SMAD4: variants seen among roughly 807,000 people sequenced by gnomAD.
The protein encoded by SMAD4 is SMAD family member 4, also known as MAD homolog 4.
In SMAD4, 7 loss-of-function variants were observed where a neutral mutation model predicts 63.2. The ratio of observed to expected loss-of-function variants is 0.11; its 90% confidence interval spans 0.06 to 0.21. The LOEUF (loss-of-function observed/expected upper bound fraction) is 0.21, where lower values mean the gene tolerates loss of function less well. SMAD4 is among the 10% of genes least tolerant of loss of function. The pLI is 1.00. For missense variants in SMAD4, 312 were observed against 693.8 expected (o/e 0.45, Z 6.18); for synonymous variants, 215 against 235.4 (o/e 0.91, Z 0.79).
In SMAD4 at chr18:51,081,401, A is replaced by G. The variant is rs1384817495; in HGVS notation, c.*2934A>G. ...TTTTCCGGGGAGTAGATCGTGGGAT[A>G]TAGTCTATCTCATTTTTAATAGTTT... On this transcript the variant is annotated 3_prime_UTR_variant, in exon 12 of 12. Transcript: ENST00000342988. The G allele has an allele frequency of 4.3e-6, 1 of 230,100 alleles. No homozygotes were observed. The highest frequency in any genetic ancestry group is 8.6e-6 in the Non-Finnish European group (1 of 116,274). 14.3% of individuals were successfully genotyped at this position (230,100 alleles called of 1,614,324 possible). A position where few individuals can be genotyped will look rare whatever the true frequency, so the allele number is the denominator to read the frequency against.
intron 10 of SMAD4, among the ~76,000 whole-genome samples, chr18:51,071,922 C>T (rs751622826): frequency 1.4e-4 from 22 of 152,304 alleles, no homozygotes; most frequent in Non-Finnish European, 1.9e-4. Flanking sequence ...ATGTTTCAAG[C>T]TTCATCCATG....
intron 4 of SMAD4, among the ~76,000 whole-genome samples, chr18:51,051,825 A>C (rs1257913799): frequency 6.6e-6 from 1 of 151,178 alleles, no homozygotes; most frequent in Non-Finnish European, 1.5e-5. Flanking sequence ...TTCTTTTTTG[A>C]GACGGAGTTT....
chr18:51,068,622 T>C (rs1017027261), intron 10 of SMAD4, among the ~76,000 whole-genome samples: 8 of 152,178 alleles, frequency 5.3e-5, no homozygotes, highest in African/African-American at 1.9e-4. Context: ...AAGTTAGTTA[T>C]TAAACAATAC....
At chr18:51,062,447 G>A (rs1019964377) in intron 8 of SMAD4, among the ~76,000 whole-genome samples, 1 of 151,812 alleles carries the variant, frequency 6.6e-6, no homozygotes, top group African/African-American at 2.4e-5. Flanking sequence ...GGTAGCTACT[G>A]TCCTGCTTTT....
intron 1 of SMAD4, among the ~76,000 whole-genome samples, chr18:51,031,944 T>A (rs1219911804): frequency 6.6e-6 from 1 of 152,182 alleles, no homozygotes; most frequent in African/African-American, 2.4e-5. Context: ...CTGATATGAT[T>A]AGTACATAAT....
At chr18:51,076,190 C>T (rs540608754) in intron 10 of SMAD4, among the ~76,000 whole-genome samples, 9 of 152,134 alleles carry the variant, frequency 5.9e-5, no homozygotes, top group Admixed American at 4.6e-4. Flanking sequence ...TCTTATATAG[C>T]GACAGTGCCA....
At chr18:51,075,302 A>C (rs1599203215) in intron 10 of SMAD4, among the ~76,000 whole-genome samples, 1 of 152,224 alleles carries the variant, frequency 6.6e-6, no homozygotes, top group Non-Finnish European at 1.5e-5. Context: ...ATTATGGTTT[A>C]AGTTCTAAAA....
rs1909571462 is a variant in SMAD4 at position 51,047,237 on chromosome 18, A to G, written c.191A>G (p.Asn64Ser). 1 of 1,613,766 alleles carries G rather than the reference A, an allele frequency of 6.2e-7. No homozygotes were observed. The highest frequency in any genetic ancestry group is 8.5e-7 in the Non-Finnish European group (1 of 1,179,662). Residue 64 changes from asparagine (N) to serine (S), a missense_variant, in exon 2 of 12, where the codon AAT (asparagine) becomes AGT (serine). Around this residue, in one of 4 missense-constraint regions of SMAD4, gnomAD observed 37 missense variants for 87.3 expected, o/e 0.42. Coordinates refer to ENST00000342988, the MANE Select transcript of SMAD4 (RefSeq NM_005359.6). The part of the protein sequence containing the change: ...LDSLITAITT[N>S]GAHPSKCVTI... ...TCTTTAATAACAGCTATAACTACAA[A>G]TGGAGCTCATCCTAGTAAATGTGTT...
chr18:51,082,012 C>T lies in SMAD4; in HGVS notation c.*3545C>T. The stretch of plus-strand genomic sequence containing the variant: ...CTTTTGGGAGAAGCAGTTTTATTCT[C>T]TGAGTGGAACAGAGTTCTTTTTGTT... On this transcript the variant is annotated 3_prime_UTR_variant, in exon 12 of 12. Coordinates refer to ENST00000342988, the MANE Select transcript of SMAD4 (RefSeq NM_005359.6). The T allele has an allele frequency of 4.3e-6, 1 of 231,746 alleles. No homozygotes were observed. Among genetic ancestry groups the T allele is most frequent in the East Asian group, 6.1e-5 (1 of 16,324 alleles). The allele number at this position is 231,746 out of a possible 1,614,324, so 14.4% of individuals were successfully genotyped here. A position where few individuals can be genotyped will look rare whatever the true frequency, so the allele number is the denominator to read the frequency against.
intron 8 of SMAD4, among the ~76,000 whole-genome samples, chr18:51,062,436 A>G (rs760844087): frequency 2.0e-5 from 3 of 151,858 alleles, no homozygotes; most frequent in Non-Finnish European, 4.4e-5. Flanking sequence ...TTCTCCCCAG[A>G]GGTAGCTACT....
In SMAD4 at chr18:51,078,512, T is replaced by A; in HGVS notation, c.*45T>A. On this transcript the variant is annotated 3_prime_UTR_variant, in exon 12 of 12. Coordinates refer to ENST00000342988, the MANE Select transcript of SMAD4 (RefSeq NM_005359.6). ...CCTTAACCTTATCAGGATGGTGGAC[T>A]ACAAAATACAATCCTGTTTATAATC... is the stretch of plus-strand genomic sequence containing the variant. 1 of 1,218,258 alleles carries A rather than the reference T, an allele frequency of 8.2e-7. No homozygotes were observed. Among genetic ancestry groups the A allele is most frequent in the Non-Finnish European group, 1.2e-6 (1 of 828,448 alleles). 75.5% of individuals were successfully genotyped at this position (1,218,258 alleles called of 1,614,324 possible). A position where few individuals can be genotyped will look rare whatever the true frequency, so the allele number is the denominator to read the frequency against.
rs146546093 is a variant in SMAD4, at chr18:51,038,109, A to G, written c.-128+7486A>G. On this transcript the variant is annotated intron_variant, in intron 1 of 11. Coordinates refer to ENST00000342988, the MANE Select transcript of SMAD4 (RefSeq NM_005359.6). ...TTCGAGACCCTGTTTCTACAATAAC[A>G]TATAAAAATTAGGTGTAGTGGCATG... is the stretch of plus-strand genomic sequence containing the variant. 1.7e-3 allele frequency among the ~76,000 whole-genome samples: 258 copies of G among 152,238 alleles called. 1 individual carries two copies. Among genetic ancestry groups the G allele is most frequent in the Middle Eastern group, 0.01 (3 of 294 alleles).
intron 10 of SMAD4, among the ~76,000 whole-genome samples, chr18:51,073,361 TTATATATATATATATA>T (rs35099364): frequency 4.5e-5 from 1 of 22,218 alleles, no homozygotes; most frequent in South Asian, 2.1e-3. Flanking sequence ...CCAGATAACA[TTATATATATATATATA>T]TATATATATA....
intron 10 of SMAD4, 127 bp downstream of exon 10, chr18:51,067,314 A>T: frequency 1.9e-6 from 1 of 514,666 alleles, no homozygotes; most frequent in Non-Finnish European, 3.4e-6. Flanking sequence ...GTGTTTAAGT[A>T]TAAAAAACAC....
intron 10 of SMAD4, 29 bp from the exon 11 acceptor site, chr18:51,076,609 T>C (rs2144473329): frequency 6.2e-7 from 1 of 1,606,278 alleles, no homozygotes; most frequent in Non-Finnish European, 8.5e-7. Flanking sequence ...CTTTATGAAC[T>C]CATAGTATGA....
At position 51,084,214 on chromosome 18, in the gene SMAD4, AT is replaced by A. The variant is rs886053931; in HGVS notation, c.*5757del. On this transcript the variant is annotated 3_prime_UTR_variant, in exon 12 of 12. Transcript: ENST00000342988. ...CCCTCCTAAGTGGTGTGTGCTTGTA[AT>A]TTTTTTTTTCAGTGAAAATGGATTG... 7.7e-4 allele frequency: 171 copies of A among 221,088 alleles called. No homozygotes were observed. The highest frequency in any genetic ancestry group is 1.4e-3 in the East Asian group (21 of 15,412). 13.7% of individuals were successfully genotyped at this position (221,088 alleles called of 1,614,324 possible).
rs1172418248 is a variant in SMAD4 at position 51,079,854 on chromosome 18, T to C, written c.*1387T>C. Reference sequence around the variant, plus strand: ...TTTGAGTCCAATCTCAGTGATGAGGTACCTTCTACTAAATGACAGGCAACA... The same window carrying C: ...TTTGAGTCCAATCTCAGTGATGAGGCACCTTCTACTAAATGACAGGCAACA... On this transcript the variant is annotated 3_prime_UTR_variant, in exon 12 of 12. Transcript: ENST00000342988. The C allele has an allele frequency of 4.3e-6, 1 of 232,450 alleles. No individual in the cohort carries two copies. The highest frequency in any genetic ancestry group is 2.2e-5 in the African/African-American group (1 of 45,294). The allele number at this position is 232,450 out of a possible 1,614,324, so 14.4% of individuals were successfully genotyped here.
chr18:51,058,857 C>T (rs1218452355), intron 7 of SMAD4, among the ~76,000 whole-genome samples: 1 of 152,124 alleles, frequency 6.6e-6, no homozygotes, highest in Non-Finnish European at 1.5e-5. Flanking sequence ...AATGTTGAAT[C>T]TATAGATAAC....
In SMAD4 at chr18:51,059,908, A is replaced by G. The variant is rs377119288; in HGVS notation, c.947A>G (p.Asn316Ser). 4.3e-5 allele frequency: 70 copies of G among 1,611,112 alleles called. 2 individuals are homozygous for G. Among genetic ancestry groups the G allele is most frequent in the South Asian group, 4.3e-4 (39 of 91,012 alleles). The change falls in exon 8 of 12, where the codon AAT becomes AGT. Residue 316 changes from asparagine (N) to serine (S), a missense_variant. Coordinates refer to ENST00000342988, the MANE Select transcript of SMAD4 (RefSeq NM_005359.6). ...CTTGCATTCCAGCCTCCCATTTCCA[A>G]TCATCCTGGTAAGTGTATTTCAAAA... ...NELAFQPPIS[N>S]HPAPEYWCSI... is the part of the protein sequence containing the mutation.
Sources: allele counts gnomAD v4.1 joint callset (sites outside exome capture counted in the v4.1 genomes callset), GRCh38; gene constraint gnomAD v4.1.1; regional missense constraint gnomAD v4.1.1; transcripts MANE v1.5; gene names NCBI Gene and HGNC (gene_info 2026-07-23, HGNC 2026-07-21).